The following PTPRG variants were observed in gnomAD, a reference collection of about 807,000 sequenced individuals.
PTPRG encodes protein tyrosine phosphatase receptor type G.
Under a neutral mutation model 165.3 loss-of-function variants are expected in PTPRG, and 102 were observed. The ratio of observed to expected loss-of-function variants is 0.62; its 90% CI spans 0.53 to 0.73. The LOEUF (loss-of-function observed/expected upper bound fraction) is 0.73. PTPRG is among the 30% of genes least tolerant of loss of function. PTPRG has a pLI of 0.00. For synonymous variants in PTPRG, 675 were observed against 669.5 expected, an observed-to-expected ratio of 1.01 and a Z score of -0.13; for missense variants, 1,866 against 1,861.4, an observed-to-expected ratio of 1.00 and a Z score of -0.05.
At chr3:62,051,486 G>A (rs781118466) in intron 4 of PTPRG, among the ~76,000 whole-genome samples, 2 of 152,120 alleles carry the variant, frequency 1.3e-5, no homozygotes, top group Non-Finnish European at 2.9e-5. Context: ...TATTTCTATC[G>A]TAGTTGGAGT....
chr3:61,694,058 A>T (rs1405788344), intron 1 of PTPRG, among the ~76,000 whole-genome samples: 1 of 151,656 alleles, frequency 6.6e-6, no homozygotes, highest in East Asian at 1.9e-4. Flanking sequence ...GCAAGGCTTT[A>T]AAAAGTAGGT....
chr3:61,764,057 A>G (rs1026736215), intron 2 of PTPRG, among the ~76,000 whole-genome samples: 1 of 152,130 alleles, frequency 6.6e-6, no homozygotes, highest in Non-Finnish European at 1.5e-5. Context: ...TGTTCAGAGG[A>G]TATAGGCATT....
rs190859883 is a variant in PTPRG, at chr3:62,223,493, G to A, written c.2288+4510G>A. 2.6e-5 allele frequency among the ~76,000 whole-genome samples: 4 copies of A among 152,296 alleles called. No homozygotes were observed. In the East Asian group the frequency reaches 7.7e-4, roughly 29 times the overall value. On this transcript the variant is annotated intron_variant, in intron 13 of 29. Transcript: ENST00000474889. The stretch of plus-strand genomic sequence containing the variant: ...TATTAAAATTGGCACTGGGCAATTG[G>A]GGGGGCGGAGTCTAAAAGGGCCCCT...
At chr3:61,956,294 TCACA>T (rs10575818) in intron 2 of PTPRG, among the ~76,000 whole-genome samples, 10 of 141,006 alleles carry the variant, frequency 7.1e-5, no homozygotes, top group African/African-American at 1.3e-4. Flanking sequence ...TCTCTCTCTC[TCACA>T]CACACACACA....
chr3:61,710,074 A>G (rs2031475706), intron 1 of PTPRG, among the ~76,000 whole-genome samples: 1 of 152,220 alleles, frequency 6.6e-6, no homozygotes, highest in South Asian at 2.1e-4. Context: ...AGTTATTGGT[A>G]GTAGTAGCAT....
chr3:62,238,467 AC>A (rs1461995522), intron 14 of PTPRG, among the ~76,000 whole-genome samples: 3 of 152,062 alleles, frequency 2.0e-5, no homozygotes, highest in Non-Finnish European at 1.5e-5. Context: ...AATATTGACA[AC>A]TTCAATGCCT....
At chr3:62,209,273 G>GT (rs1700302530) in intron 12 of PTPRG, among the ~76,000 whole-genome samples, 2 of 152,162 alleles carry the variant, frequency 1.3e-5, no homozygotes, top group African/African-American at 4.8e-5. Context: ...GGCCAGGCCT[G>GT]TTGCTAAACG....
At chr3:61,851,712 G>C (rs375912445) in intron 2 of PTPRG, among the ~76,000 whole-genome samples, 147 of 152,234 alleles carry the variant, frequency 9.7e-4, no homozygotes, top group African/African-American at 3.0e-3. Context: ...GGAATTATTA[G>C]ACTTTTCTTG....
chr3:62,170,016 A>G (rs903493145), intron 8 of PTPRG, among the ~76,000 whole-genome samples: 2 of 152,122 alleles, frequency 1.3e-5, no homozygotes, highest in Non-Finnish European at 2.9e-5. Flanking sequence ...TAAGAATGTG[A>G]TCATTTCCTT....
intron 5 of PTPRG, among the ~76,000 whole-genome samples, chr3:62,089,121 C>T (rs559464828): frequency 6.6e-6 from 1 of 152,318 alleles, no homozygotes; most frequent in South Asian, 2.1e-4. Context: ...CATCTGAAGC[C>T]CAGAACTTTT....
chr3:61,564,262 G>C (rs1425483672), intron 1 of PTPRG, among the ~76,000 whole-genome samples: 1 of 152,216 alleles, frequency 6.6e-6, no homozygotes, highest in Non-Finnish European at 1.5e-5. Context: ...GTTGAGCTTT[G>C]TGAGGGCCAC....
intron 1 of PTPRG, among the ~76,000 whole-genome samples, chr3:61,688,126 G>A (rs1266181896): frequency 2.6e-5 from 4 of 152,200 alleles, no homozygotes; most frequent in Non-Finnish European, 5.9e-5. Context: ...GTCAGGGAAG[G>A]TGTGTTGCCA....
At chr3:61,741,851 A>G (rs2106883203) in intron 1 of PTPRG, among the ~76,000 whole-genome samples, 1 of 152,278 alleles carries the variant, frequency 6.6e-6, no homozygotes, top group Non-Finnish European at 1.5e-5. Context: ...ACAAATCTAT[A>G]TGTAAATGGA....
intron 4 of PTPRG, among the ~76,000 whole-genome samples, chr3:62,027,305 C>T (rs1241690913): frequency 1.3e-5 from 2 of 152,164 alleles, no homozygotes; most frequent in African/African-American, 2.4e-5. Flanking sequence ...CCACCCAATG[C>T]CGTGTCTCCA....
intron 2 of PTPRG, among the ~76,000 whole-genome samples, chr3:61,962,366 T>G (rs564517792): frequency 3.9e-5 from 6 of 152,352 alleles, no homozygotes; most frequent in African/African-American, 1.4e-4. Context: ...AGTTGTGAAA[T>G]CTTTCCTTTG....
chr3:62,277,616 C>G lies in PTPRG; in HGVS notation c.3702C>G (p.Phe1234Leu). The change falls in exon 26 of 30, where the codon TTC becomes TTG. Residue 1234 changes from phenylalanine (F) to leucine (L), a missense_variant. Transcript: ENST00000474889. Reference sequence around the variant, plus strand: ...CTCTGCCACATACTACGAAAGATTTCTGGCGAATGATTTGGGATCATAACG... The same window carrying G: ...CTCTGCCACATACTACGAAAGATTTGTGGCGAATGATTTGGGATCATAACG... ...QHPLPHTTKD[F>L]WRMIWDHNAQ... The G allele has an allele frequency of 6.2e-7, 1 of 1,612,828 alleles. No homozygotes were observed. The highest frequency in any genetic ancestry group is 8.5e-7 in the Non-Finnish European group (1 of 1,179,346).
chr3:61,713,145 T>C (rs997896161), intron 1 of PTPRG, among the ~76,000 whole-genome samples: 8 of 151,878 alleles, frequency 5.3e-5, no homozygotes, highest in African/African-American at 1.9e-4. Context: ...TTTGACAGAT[T>C]ATCTGAAACA....
intron 1 of PTPRG, among the ~76,000 whole-genome samples, chr3:61,646,903 T>C (rs1281737344): frequency 6.6e-6 from 1 of 152,238 alleles, no homozygotes; most frequent in Non-Finnish European, 1.5e-5. Flanking sequence ...GCTGGCTTGC[T>C]TTACTCAGTG....
At chr3:61,702,298 C>G (rs2031011867) in intron 1 of PTPRG, among the ~76,000 whole-genome samples, 1 of 152,156 alleles carries the variant, frequency 6.6e-6, no homozygotes, top group Non-Finnish European at 1.5e-5. Context: ...AGCCTGTGTG[C>G]TTTGATGCAT....
Sources: gnomAD v4.1 joint callset for allele counts (sites outside exome capture counted in the v4.1 genomes callset) on GRCh38, gnomAD v4.1.1 for gene constraint, MANE v1.5 for transcripts, NCBI Gene and HGNC (gene_info 2026-07-23, HGNC 2026-07-21) for gene names.